KCNB2: variants seen among roughly 807,000 people sequenced by gnomAD.
KCNB2 encodes the protein potassium voltage-gated channel subfamily B member 2, also known as delayed rectifier potassium channel protein.
KCNB2 carries 15 observed loss-of-function variants against 61.5 expected under a neutral mutation model. The observed-to-expected ratio is 0.24, with a 90% confidence interval of 0.16 to 0.38. The LOEUF (loss-of-function observed/expected upper bound fraction) is 0.38, where lower values mean the gene tolerates loss of function less well. Ranked by LOEUF, KCNB2 falls within the 10% of genes least tolerant of loss-of-function variation. The pLI, the probability that KCNB2 is intolerant of heterozygous loss-of-function variation, is 1.00. For synonymous variants in KCNB2, 457 were observed against 446.0 expected (o/e 1.02, Z -0.31); for missense variants, 828 against 1,125.2 (o/e 0.74, Z 3.78).
intron 2 of KCNB2, among the ~76,000 whole-genome samples, chr8:72,614,629 G>A (rs1044113458): frequency 6.6e-6 from 1 of 152,104 alleles, no homozygotes; most frequent in Non-Finnish European, 1.5e-5. Context: ...TGTTTATAAC[G>A]GCTCCTGCTC....
intron 2 of KCNB2, among the ~76,000 whole-genome samples, chr8:72,623,439 T>C (rs1433964673): frequency 1.3e-5 from 2 of 152,178 alleles, no homozygotes; most frequent in African/African-American, 2.4e-5. Context: ...GAAAACCAAG[T>C]GTCACTTATT....
chr8:72,871,920 T>C (rs889907111), intron 2 of KCNB2, among the ~76,000 whole-genome samples: 2 of 152,250 alleles, frequency 1.3e-5, no homozygotes, highest in African/African-American at 4.8e-5. Flanking sequence ...AGAAATTCAC[T>C]AGTGATTCTT....
chr8:72,693,045 C>T (rs1806963764), intron 2 of KCNB2, among the ~76,000 whole-genome samples: 2 of 152,090 alleles, frequency 1.3e-5, no homozygotes, highest in South Asian at 4.1e-4. Context: ...TCGTGATTAT[C>T]ATAATATTGT....
rs532136729 is a variant in KCNB2, at chr8:72,658,179, G to A, written c.579+89866G>A. On this transcript the variant is annotated intron_variant, in intron 2 of 2. Coordinates refer to ENST00000523207, the MANE Select transcript of KCNB2 (RefSeq NM_004770.3). ...AAAGCTGGGCCTCTTGAGCCACACA[G>A]TCAGCCAAGTTGGTAATGCAAAGAA... is the stretch of plus-strand genomic sequence containing the variant. 3.3e-5 allele frequency among the ~76,000 whole-genome samples: 5 copies of A among 152,288 alleles called. No homozygotes were observed. In the South Asian group the frequency reaches 1.0e-3, roughly 32 times the overall value.
intron 2 of KCNB2, among the ~76,000 whole-genome samples, chr8:72,725,601 A>ATATGTATGTGTG (rs796779126): frequency 0.12 from 11,662 of 98,846 alleles, 1,122 homozygotes; most frequent in Non-Finnish European, 0.18. Flanking sequence ...GTATATATAT[A>ATATGTATGTGTG]TATATATATA....
intron 2 of KCNB2, among the ~76,000 whole-genome samples, chr8:72,771,640 C>CA (rs1485963611): frequency 6.6e-6 from 1 of 151,980 alleles, no homozygotes; most frequent in East Asian, 1.9e-4. Context: ...GAGTAGGTGA[C>CA]AGGCCAGGCA....
intron 2 of KCNB2, among the ~76,000 whole-genome samples, chr8:72,626,694 G>A (rs1805795181): frequency 6.6e-6 from 1 of 152,220 alleles, no homozygotes; most frequent in African/African-American, 2.4e-5. Flanking sequence ...CCAACAATGA[G>A]AAAATGTTGG....
chr8:72,779,761 C>T (rs1176781243), intron 2 of KCNB2, among the ~76,000 whole-genome samples: 5 of 152,040 alleles, frequency 3.3e-5, no homozygotes, highest in East Asian at 1.9e-4. Flanking sequence ...AAAACTGTGG[C>T]GATTGAATGA....
intron 2 of KCNB2, among the ~76,000 whole-genome samples, chr8:72,572,956 C>A (rs1390913297): frequency 1.3e-5 from 2 of 152,136 alleles, no homozygotes; most frequent in Non-Finnish European, 2.9e-5. Flanking sequence ...GGCCAGGAGA[C>A]CTTAGCCATC....
At chr8:72,580,896 T>G (rs1296693134) in intron 2 of KCNB2, among the ~76,000 whole-genome samples, 1 of 152,160 alleles carries the variant, frequency 6.6e-6, no homozygotes, top group Non-Finnish European at 1.5e-5. Flanking sequence ...AATATGTCTT[T>G]CTTGTGGGCC....
chr8:72,794,902 A>G (rs1317630248), intron 2 of KCNB2, among the ~76,000 whole-genome samples: 1 of 152,198 alleles, frequency 6.6e-6, no homozygotes, highest in African/African-American at 2.4e-5. Flanking sequence ...GCTGGGCCAA[A>G]TACTGCTGAG....
intron 2 of KCNB2, among the ~76,000 whole-genome samples, chr8:72,757,323 A>C (rs16938353): frequency 0.17 from 26,353 of 152,074 alleles, 2,529 homozygotes; most frequent in South Asian, 0.35. Context: ...AGCTGACCAC[A>C]ATGGGGTTGG....
chr8:72,888,014 C>T (rs763381121), intron 2 of KCNB2, among the ~76,000 whole-genome samples: 2 of 152,236 alleles, frequency 1.3e-5, no homozygotes, highest in Non-Finnish European at 2.9e-5. Flanking sequence ...TTTTAAGCTC[C>T]TTAGGCAAGA....
At chr8:72,540,740 C>A (rs1806176580) in intron 1 of KCNB2, among the ~76,000 whole-genome samples, 1 of 152,052 alleles carries the variant, frequency 6.6e-6, no homozygotes, top group Non-Finnish European at 1.5e-5. Context: ...GGCAGAAAGC[C>A]ATGTGTGTGA....
At chr8:72,815,582 T>C (rs1166821892) in intron 2 of KCNB2, among the ~76,000 whole-genome samples, 1 of 152,190 alleles carries the variant, frequency 6.6e-6, no homozygotes, top group Admixed American at 6.5e-5. Flanking sequence ...GCTGAATAAA[T>C]GAATGAATGA....
In KCNB2 at chr8:72,568,189, T is replaced by TGAGGCGAGAGGCAGAGAC. The variant is rs757813600; in HGVS notation, c.456_473dup (p.Arg153_Thr158dup). ...AAAAAAGAACAAATGAACGAAGAACTGAGGCGAGAGGCAGAGACTATGCGA... is the reference window on the plus strand; with the variant it reads ...AAAAAAGAACAAATGAACGAAGAACTGAGGCGAGAGGCAGAGACGAGGCGAGAGGCAGAGACTATGCGA... On this transcript the variant is annotated inframe_insertion, in exon 2 of 3. Transcript: ENST00000523207. 2.5e-6 allele frequency: 4 copies of TGAGGCGAGAGGCAGAGAC among 1,613,950 alleles called. No homozygotes were observed. In the Admixed American group the frequency reaches 6.7e-5, roughly 27 times the overall value.
chr8:72,868,656 A>G (rs1805570679), intron 2 of KCNB2, among the ~76,000 whole-genome samples: 1 of 152,302 alleles, frequency 6.6e-6, no homozygotes, highest in East Asian at 1.9e-4. Flanking sequence ...AAGCAACTCC[A>G]AAGTTTAATT....
chr8:72,858,491 A>G (rs576896965), intron 2 of KCNB2, among the ~76,000 whole-genome samples: 3 of 152,256 alleles, frequency 2.0e-5, no homozygotes. Context: ...CAACTTAGCC[A>G]TTTTCTACTG....
intron 2 of KCNB2, among the ~76,000 whole-genome samples, chr8:72,789,668 T>C (rs1808905927): frequency 6.6e-6 from 1 of 152,142 alleles, no homozygotes; most frequent in East Asian, 1.9e-4. Context: ...CAGGGGACCC[T>C]GGAGTTTTTT....
Sources: gnomAD v4.1 joint callset for allele counts (sites outside exome capture counted in the v4.1 genomes callset) on GRCh38, gnomAD v4.1.1 for gene constraint, MANE v1.5 for transcripts, NCBI Gene and HGNC (gene_info 2026-07-23, HGNC 2026-07-21) for gene names.